SPSB1: variants seen among roughly 807,000 people sequenced by gnomAD.
SPSB1 encodes the protein SPRY domain-containing SOCS box protein 1.
Under a neutral mutation model 21.2 loss-of-function variants are expected in SPSB1, and 8 were observed. The observed-to-expected ratio is 0.38, with a 90% CI of 0.22 to 0.68. The LOEUF is 0.68. Ranked by LOEUF, SPSB1 falls within the 30% of genes least tolerant of loss-of-function variation. SPSB1 has a pLI of 0.53. For missense variants in SPSB1, 242 were observed against 377.8 expected (o/e 0.64, Z 2.98); for synonymous variants, 169 against 161.7 (o/e 1.05, Z -0.34).
rs935083772 is a variant in SPSB1 at position 9,324,419 on chromosome 1, G to A, written c.-149-31324G>A. ...CCTCAGTGAGGCTGTGATGAGCGTG[G>A]GGGCGTCTGGTGCCTGGGTGCACAT... On this transcript the variant is annotated intron_variant, in intron 1 of 2. Transcript: ENST00000328089. This position sits in a 1 kb window ranked among gnomAD's most constrained non-coding sequence, Gnocchi z 4.3. Among the ~76,000 whole-genome samples, 3 of 152,080 alleles carry A rather than the reference G, an allele frequency of 2.0e-5. No homozygotes were observed. The highest frequency in any genetic ancestry group is 6.3e-3 in the Middle Eastern group (2 of 316).
At chr1:9,344,914 G>C (rs1640146688) in intron 1 of SPSB1, among the ~76,000 whole-genome samples, 1 of 152,146 alleles carries the variant, frequency 6.6e-6, no homozygotes, top group African/African-American at 2.4e-5. Flanking sequence ...ACCTTTGCCA[G>C]CTGGCACATC....
intron 1 of SPSB1, among the ~76,000 whole-genome samples, chr1:9,338,769 G>A (rs777417450): frequency 6.6e-6 from 1 of 152,180 alleles, no homozygotes; most frequent in Admixed American, 6.5e-5. Context: ...GTGAAACGTG[G>A]GTGGCGTGGG....
chr1:9,307,267 T>C (rs549212148), intron 1 of SPSB1, among the ~76,000 whole-genome samples: 1 of 152,272 alleles, frequency 6.6e-6, no homozygotes, highest in Non-Finnish European at 1.5e-5. Context: ...TAATGTAAAA[T>C]GAGCCATTTT....
intron 1 of SPSB1, among the ~76,000 whole-genome samples, chr1:9,316,145 G>A (rs1639609352): frequency 6.6e-6 from 1 of 152,186 alleles, no homozygotes; most frequent in African/African-American, 2.4e-5. Flanking sequence ...ACTCAGCCTT[G>A]CCCTGGGCTG....
At chr1:9,361,494 G>C (rs532682019) in intron 2 of SPSB1, among the ~76,000 whole-genome samples, 3 of 152,176 alleles carry the variant, frequency 2.0e-5, no homozygotes, top group Admixed American at 6.5e-5. Context: ...CTTCCCGGGG[G>C]TCTCCCAGCC....
chr1:9,311,764 C>G (rs1280764949), intron 1 of SPSB1, among the ~76,000 whole-genome samples: 1 of 151,864 alleles, frequency 6.6e-6, no homozygotes, highest in Admixed American at 6.6e-5. Flanking sequence ...TTATCTACCA[C>G]GTTTTGTGTG....
chr1:9,308,608 C>A (rs1173149578), intron 1 of SPSB1, among the ~76,000 whole-genome samples: 2 of 152,158 alleles, frequency 1.3e-5, no homozygotes, highest in Non-Finnish European at 2.9e-5. Flanking sequence ...ATAGTCTTCA[C>A]ATGTATTGAT....
intron 1 of SPSB1, among the ~76,000 whole-genome samples, chr1:9,352,946 A>G (rs1438556925): frequency 1.4e-5 from 2 of 145,100 alleles, no homozygotes; most frequent in Non-Finnish European, 3.2e-5. Flanking sequence ...CTGCTGCCAC[A>G]GTTGAGCGGC....
In SPSB1 at chr1:9,340,313, G is replaced by C. The variant is rs184707142; in HGVS notation, c.-149-15430G>C. 2.3e-3 allele frequency among the ~76,000 whole-genome samples: 357 copies of C among 152,312 alleles called. 2 individuals are homozygous for C. The highest frequency in any genetic ancestry group is 8.0e-3 in the African/African-American group (332 of 41,554). On this transcript the variant is annotated intron_variant, in intron 1 of 2. Coordinates refer to ENST00000328089, the MANE Select transcript of SPSB1 (RefSeq NM_025106.4). ...GGAAGGCAGGGACACTGGTGTTTGG[G>C]GACTGGCCGGAGCCCCGCGGTCTGA...
chr1:9,298,150 A>C (rs1237083219), intron 1 of SPSB1, among the ~76,000 whole-genome samples: 2 of 152,190 alleles, frequency 1.3e-5, no homozygotes, highest in African/African-American at 4.8e-5. Flanking sequence ...ATAGTTAATC[A>C]TGGTGTTCCT....
At chr1:9,357,828 G>A (rs769128786) in intron 2 of SPSB1, among the ~76,000 whole-genome samples, 5 of 152,088 alleles carry the variant, frequency 3.3e-5, no homozygotes, top group Non-Finnish European at 7.4e-5. Flanking sequence ...GTTGCAGAAC[G>A]GCTCACCCCG....
At chr1:9,355,158 GCA>G (rs1258345324) in intron 1 of SPSB1, among the ~76,000 whole-genome samples, 2 of 152,214 alleles carry the variant, frequency 1.3e-5, no homozygotes, top group Non-Finnish European at 2.9e-5. Context: ...CGTGCCAAGC[GCA>G]CACAGACCCC....
rs1640174271 is a variant in SPSB1 at position 9,346,928 on chromosome 1, T to C, written c.-149-8815T>C. On this transcript the variant is annotated intron_variant, in intron 1 of 2. Transcript: ENST00000328089. This position sits in a 1 kb window ranked among gnomAD's most constrained non-coding sequence, Gnocchi z 4.4. ...ATTAAAATCTGTAATTTTGAAACAG[T>C]ATAATCGGAAGTCTTGGGATAGATC... Among the ~76,000 whole-genome samples the C allele has an allele frequency of 6.6e-6, 1 of 152,230 alleles. No individual in the cohort carries two copies. The highest frequency in any genetic ancestry group is 1.5e-5 in the Non-Finnish European group (1 of 68,046).
chr1:9,355,316 T>A (rs1467583465), intron 1 of SPSB1, among the ~76,000 whole-genome samples: 1 of 152,204 alleles, frequency 6.6e-6, no homozygotes, highest in South Asian at 2.1e-4. Context: ...GGGCTCCACT[T>A]CCCCTCTGAA....
chr1:9,353,211 C>A (rs775597030), intron 1 of SPSB1, among the ~76,000 whole-genome samples: 1 of 151,932 alleles, frequency 6.6e-6, no homozygotes, highest in Middle Eastern at 3.2e-3. Flanking sequence ...CCTCGAGAGC[C>A]GCCTCGGCCC....
chr1:9,353,570 G>A (rs1640306239), intron 1 of SPSB1, among the ~76,000 whole-genome samples: 2 of 152,150 alleles, frequency 1.3e-5, no homozygotes, highest in Admixed American at 6.5e-5. Context: ...TGCAGACACT[G>A]GACACAAGGA....
chr1:9,352,578 C>T (rs1055028494), intron 1 of SPSB1, among the ~76,000 whole-genome samples: 4 of 152,154 alleles, frequency 2.6e-5, no homozygotes, highest in Admixed American at 2.0e-4. Flanking sequence ...AGCTGATCTC[C>T]GGTCTCGCTG....
chr1:9,328,463 G>T (rs1362536761), intron 1 of SPSB1, among the ~76,000 whole-genome samples: 2 of 152,244 alleles, frequency 1.3e-5, no homozygotes, highest in Non-Finnish European at 2.9e-5. Flanking sequence ...ACCCAGCTCA[G>T]ACATGATTTC....
intron 2 of SPSB1, among the ~76,000 whole-genome samples, chr1:9,360,159 G>C (rs1640446113): frequency 1.3e-5 from 2 of 152,100 alleles, no homozygotes; most frequent in Admixed American, 1.3e-4. Context: ...GTAGGGGCTA[G>C]AGAGCGAGGA....
Sources: gnomAD v4.1 joint callset for allele counts (sites outside exome capture counted in the v4.1 genomes callset) on GRCh38, gnomAD v4.1.1 for gene constraint, Gnocchi (gnomAD v3.1) non-coding constraint, MANE v1.5 for transcripts, NCBI Gene and HGNC (gene_info 2026-07-23, HGNC 2026-07-21) for gene names.